Variants in AKT3 observed in about 807,000 individuals in gnomAD.
AKT3 encodes the protein RAC-gamma serine/threonine-protein kinase.
In AKT3, 15 loss-of-function variants were observed where a neutral mutation model predicts 65.3. The ratio of observed to expected loss-of-function variants is 0.23; its 90% CI spans 0.15 to 0.35. The LOEUF (loss-of-function observed/expected upper bound fraction) is 0.35. Ranked by LOEUF, AKT3 falls within the 10% of genes least tolerant of loss-of-function variation. The pLI is 1.00. For synonymous variants in AKT3, 206 were observed against 183.8 expected (o/e 1.12, Z -0.98); for missense variants, 243 against 576.5 (o/e 0.42, Z 5.92).
chr1:243,630,077 T>C (rs568934824), intron 6 of AKT3, among the ~76,000 whole-genome samples: 1 of 152,284 alleles, frequency 6.6e-6, no homozygotes, highest in African/African-American at 2.4e-5. Context: ...TTACAGTGGA[T>C]TGGGCTTTGC....
intron 2 of AKT3, among the ~76,000 whole-genome samples, chr1:243,749,337 A>G (rs1688663042): frequency 6.6e-6 from 1 of 152,144 alleles, no homozygotes; most frequent in Non-Finnish European, 1.5e-5. Context: ...TGACTTGATC[A>G]TGATTGTTTT....
At chr1:243,740,163 C>T (rs570272940) in intron 2 of AKT3, among the ~76,000 whole-genome samples, 3 of 152,206 alleles carry the variant, frequency 2.0e-5, no homozygotes, top group South Asian at 2.1e-4. Context: ...AGAGAAACTA[C>T]GCCAAAATTA....
At chr1:243,847,154 A>G (rs1201088062) in intron 1 of AKT3, among the ~76,000 whole-genome samples, 1 of 152,210 alleles carries the variant, frequency 6.6e-6, no homozygotes, top group African/African-American at 2.4e-5. Flanking sequence ...ACAAAAATTA[A>G]TTGTATTATT....
intron 2 of AKT3, among the ~76,000 whole-genome samples, chr1:243,717,294 A>T (rs1398859008): frequency 3.9e-5 from 6 of 152,232 alleles, no homozygotes; most frequent in Admixed American, 3.9e-4. Context: ...ATGTCTTCCC[A>T]AGAGTCATAC....
At chr1:243,532,662 T>C (rs764442208) in intron 12 of AKT3, among the ~76,000 whole-genome samples, 2 of 152,246 alleles carry the variant, frequency 1.3e-5, no homozygotes, top group African/African-American at 4.8e-5. Context: ...GCTCCCTTCA[T>C]AGAGCAAGTG....
At chr1:243,605,589 T>C (rs190767053) in intron 8 of AKT3, among the ~76,000 whole-genome samples, 6 of 152,348 alleles carry the variant, frequency 3.9e-5, no homozygotes, top group Admixed American at 1.3e-4. Context: ...CTATATCTTA[T>C]TGAGCCCACT....
At chr1:243,718,558 T>C (rs1459902092) in intron 2 of AKT3, among the ~76,000 whole-genome samples, 6 of 152,124 alleles carry the variant, frequency 3.9e-5, no homozygotes. Flanking sequence ...CAAGTGATTC[T>C]CCTGCCTCAG....
At chr1:243,626,244 G>A (rs1417599922) in intron 6 of AKT3, among the ~76,000 whole-genome samples, 1 of 152,168 alleles carries the variant, frequency 6.6e-6, no homozygotes, top group Non-Finnish European at 1.5e-5. Context: ...TGAATCACAA[G>A]TGAATGGGTA....
At chr1:243,756,670 A>C (rs903333605) in intron 2 of AKT3, among the ~76,000 whole-genome samples, 3 of 152,264 alleles carry the variant, frequency 2.0e-5, no homozygotes, top group Admixed American at 6.5e-5. Flanking sequence ...CTTGACATTC[A>C]TCTTAGTCAC....
intron 2 of AKT3, among the ~76,000 whole-genome samples, chr1:243,749,566 T>A (rs147832025): frequency 0.013 from 2,041 of 152,222 alleles, 25 homozygotes; most frequent in Middle Eastern, 0.034. Flanking sequence ...AACTAACCCC[T>A]CTTTCTTGTG....
chr1:243,550,517 T>C (rs1672974083), intron 11 of AKT3, among the ~76,000 whole-genome samples: 1 of 151,986 alleles, frequency 6.6e-6, no homozygotes, highest in African/African-American at 2.4e-5. Flanking sequence ...CAAGTACATT[T>C]TGTTCTACTA....
chr1:243,810,872 C>T lies in AKT3; in HGVS notation c.46+32253G>A, dbSNP rs201723798. ...TCCCTGGGATGCAAGGCTGGTTCAA[C>T]ATATGCAAATCAATAAAGTAATCCA... On this transcript the variant is annotated intron_variant, in intron 2 of 13. Transcript: ENST00000673466. 1.4e-4 allele frequency among the ~76,000 whole-genome samples: 21 copies of T among 152,312 alleles called. No homozygotes were observed. In the East Asian group the frequency reaches 3.7e-3, roughly 27 times the overall value.
chr1:243,782,742 G>C (rs931045110), intron 2 of AKT3, among the ~76,000 whole-genome samples: 1 of 152,138 alleles, frequency 6.6e-6, no homozygotes, highest in Admixed American at 6.5e-5. Flanking sequence ...TAAAAGATTA[G>C]ATTCCTTTAA....
intron 12 of AKT3, among the ~76,000 whole-genome samples, chr1:243,523,540 T>C (rs1042404078): frequency 6.6e-6 from 1 of 152,192 alleles, no homozygotes; most frequent in Non-Finnish European, 1.5e-5. Flanking sequence ...ATATTCACAT[T>C]GAAAATAATC....
chr1:243,754,893 G>A (rs151272877), intron 2 of AKT3, among the ~76,000 whole-genome samples: 8 of 152,286 alleles, frequency 5.3e-5, no homozygotes, highest in African/African-American at 1.7e-4. Context: ...GCACAGGACA[G>A]CCTGCTATGA....
intron 13 of AKT3, among the ~76,000 whole-genome samples, chr1:243,490,452 T>C (rs1178836269): frequency 6.6e-6 from 1 of 152,240 alleles, no homozygotes; most frequent in Non-Finnish European, 1.5e-5. Flanking sequence ...GGGATGATTC[T>C]GGACGACACT....
At chr1:243,660,753 A>C (rs1682244534) in intron 4 of AKT3, among the ~76,000 whole-genome samples, 1 of 152,166 alleles carries the variant, frequency 6.6e-6, no homozygotes, top group South Asian at 2.1e-4. Flanking sequence ...TTCAATCAGG[A>C]AAAGAGGAAG....
intron 8 of AKT3, among the ~76,000 whole-genome samples, chr1:243,607,945 T>C (rs907278248): frequency 6.6e-6 from 1 of 152,228 alleles, no homozygotes; most frequent in Non-Finnish European, 1.5e-5. Flanking sequence ...AAGAAGGACA[T>C]GTTTGCTTCC....
intron 2 of AKT3, among the ~76,000 whole-genome samples, chr1:243,751,916 T>C (rs1375273175): frequency 6.6e-6 from 1 of 152,136 alleles, no homozygotes; most frequent in Non-Finnish European, 1.5e-5. Context: ...CCATTTTAAT[T>C]AGCTAATCTG....
Sources: gnomAD v4.1 joint callset for allele counts (sites outside exome capture counted in the v4.1 genomes callset) on GRCh38, gnomAD v4.1.1 for gene constraint, MANE v1.5 for transcripts, NCBI Gene and HGNC (gene_info 2026-07-23, HGNC 2026-07-21) for gene names.